The following PLEKHA7 variants were observed in gnomAD, a reference collection of about 807,000 sequenced individuals.
PLEKHA7 encodes pleckstrin homology domain containing A7, also known as pleckstrin homology domain-containing family A member 7.
In PLEKHA7, 104 loss-of-function variants were observed where a neutral mutation model predicts 170.0. The observed-to-expected ratio is 0.61, with a 90% CI of 0.52 to 0.72. The LOEUF (loss-of-function observed/expected upper bound fraction) is 0.72, where lower values mean the gene tolerates loss of function less well. Among genes scored for constraint, PLEKHA7 ranks in the 30% least tolerant of loss-of-function variants. The pLI is 0.00. For missense variants in PLEKHA7, 1,615 were observed against 1,671.7 expected (o/e 0.97, Z 0.59); for synonymous variants, 648 against 660.8 (o/e 0.98, Z 0.30).
At chr11:16,912,612 AG>A (rs1219393827) in intron 3 of PLEKHA7, among the ~76,000 whole-genome samples, 1 of 152,186 alleles carries the variant, frequency 6.6e-6, no homozygotes, top group Non-Finnish European at 1.5e-5. Context: ...GTGTAAAACA[AG>A]GCATCTCATC....
Position 16,817,316 on chromosome 11 carries a change from G to C in PLEKHA7, c.1350C>G (p.Pro450=). 6.2e-7 allele frequency: 1 copy of C among 1,607,090 alleles called. No individual in the cohort carries two copies. The highest frequency in any genetic ancestry group is 8.5e-7 in the Non-Finnish European group (1 of 1,178,712). ...CCTGGCGAGGAAGCGTCTGGTCCAA[G>C]GGAAGACTGAGGAGAAAGGGTAAGA... is the stretch of plus-strand genomic sequence containing the variant. ...RAQKGDSRSL[P]LDQTLPRQGP... The change falls in exon 11 of 27, where the codon CCC becomes CCG. Residue 450 remains proline, a synonymous_variant. Transcript: ENST00000531066. The surrounding 1 kb of genome is among the most constrained non-coding windows in gnomAD (Gnocchi z 4.4).
At chr11:16,878,032 T>C (rs935366422) in intron 3 of PLEKHA7, among the ~76,000 whole-genome samples, 1 of 152,186 alleles carries the variant, frequency 6.6e-6, no homozygotes, top group Non-Finnish European at 1.5e-5. Context: ...TGAGCCTCCC[T>C]TCCCCGCAAA....
At chr11:16,860,868 A>C (rs757197001) in intron 4 of PLEKHA7, among the ~76,000 whole-genome samples, 102 of 152,198 alleles carry the variant, frequency 6.7e-4, no homozygotes, top group Non-Finnish European at 1.0e-4. Context: ...CTCCTCCACA[A>C]GTCACATCAG....
chr11:16,949,823 T>C (rs1182746279), intron 3 of PLEKHA7, among the ~76,000 whole-genome samples: 16 of 151,450 alleles, frequency 1.1e-4, no homozygotes, highest in Admixed American at 1.1e-3. Context: ...GCTACAGAAA[T>C]TCAGAGGAGG....
intron 3 of PLEKHA7, among the ~76,000 whole-genome samples, chr11:16,880,971 A>G (rs1433173679): frequency 7.2e-6 from 1 of 139,120 alleles, no homozygotes; most frequent in African/African-American, 2.4e-5. Context: ...ACAACACTAC[A>G]CACAACTGCA....
At chr11:16,872,832 T>C (rs1854972327) in intron 3 of PLEKHA7, among the ~76,000 whole-genome samples, 1 of 151,882 alleles carries the variant, frequency 6.6e-6, no homozygotes, top group South Asian at 2.1e-4. Context: ...ATACAACCAC[T>C]CAGAAAGTTG....
At chr11:16,801,361 A>C (rs906372419) in intron 16 of PLEKHA7, among the ~76,000 whole-genome samples, 2 of 152,238 alleles carry the variant, frequency 1.3e-5, no homozygotes, top group African/African-American at 4.8e-5. Flanking sequence ...AGATTCTGAC[A>C]ACTTGGAATT....
At chr11:16,871,807 T>C (rs1854875801) in intron 3 of PLEKHA7, among the ~76,000 whole-genome samples, 1 of 152,144 alleles carries the variant, frequency 6.6e-6, no homozygotes, top group Non-Finnish European at 1.5e-5. Context: ...ACAAAGTGTG[T>C]AGGTGTTTTG....
chr11:16,869,513 C>T (rs1854660721), intron 4 of PLEKHA7, among the ~76,000 whole-genome samples: 1 of 152,206 alleles, frequency 6.6e-6, no homozygotes, highest in Non-Finnish European at 1.5e-5. Flanking sequence ...GCATGTAATG[C>T]CTCCGGCACA....
intron 3 of PLEKHA7, among the ~76,000 whole-genome samples, chr11:16,946,125 C>G (rs1280716740): frequency 6.6e-6 from 1 of 152,238 alleles, no homozygotes; most frequent in African/African-American, 2.4e-5. Context: ...GCTGTGGCGC[C>G]ACCCATGATC....
chr11:16,991,785 T>C (rs1864060636), intron 3 of PLEKHA7, among the ~76,000 whole-genome samples: 1 of 152,030 alleles, frequency 6.6e-6, no homozygotes, highest in African/African-American at 2.4e-5. Flanking sequence ...TGACCCAACT[T>C]CCACCATTAA....
At chr11:16,990,722 A>C (rs545474097) in intron 3 of PLEKHA7, among the ~76,000 whole-genome samples, 160 of 152,330 alleles carry the variant, frequency 1.1e-3, no homozygotes, top group African/African-American at 3.7e-3. Context: ...GTACTACCTA[A>C]GCACTGTGGC....
intron 3 of PLEKHA7, 46 bp downstream of exon 3, chr11:17,013,943 C>G: frequency 1.4e-6 from 2 of 1,451,168 alleles, no homozygotes; most frequent in Non-Finnish European, 1.8e-6. Context: ...GGGAGGGACC[C>G]CCCCCCCGCG....
intron 3 of PLEKHA7, among the ~76,000 whole-genome samples, chr11:16,914,371 A>T (rs887360941): frequency 1.1e-4 from 16 of 152,206 alleles, no homozygotes; most frequent in Admixed American, 1.0e-3. Context: ...AATCTATTTC[A>T]TCGGCACAGC....
rs1048497827 is a variant in PLEKHA7, at chr11:16,803,202, T to A, written c.2076+25A>T. The A allele has an allele frequency of 1.9e-6, 3 of 1,607,382 alleles. No homozygotes were observed. In the African/African-American group the frequency reaches 4.0e-5, roughly 22 times the overall value. ...TCTGGGTCAGGAGGCAGCTGAGGGG[T>A]CAGCGTGTCACTCTGCTCACTCACG... On this transcript the variant is annotated intron_variant, in intron 14 of 26. Coordinates refer to ENST00000531066, the MANE Select transcript of PLEKHA7 (RefSeq NM_001329630.2).
intron 3 of PLEKHA7, among the ~76,000 whole-genome samples, chr11:16,966,326 G>C (rs1192119661): frequency 1.5e-5 from 2 of 134,860 alleles, no homozygotes; most frequent in Non-Finnish European, 3.3e-5. Flanking sequence ...GTGTGTGTGT[G>C]TCTAGGCTGC....
At chr11:16,877,988 C>T (rs1855431363) in intron 3 of PLEKHA7, among the ~76,000 whole-genome samples, 1 of 152,206 alleles carries the variant, frequency 6.6e-6, no homozygotes, top group African/African-American at 2.4e-5. Context: ...CAATGACTAA[C>T]AGGCATCTAC....
At chr11:16,930,758 G>A (rs985388234) in intron 3 of PLEKHA7, among the ~76,000 whole-genome samples, 6 of 152,172 alleles carry the variant, frequency 3.9e-5, no homozygotes, top group African/African-American at 9.7e-5. Flanking sequence ...AACATTAAAC[G>A]CTGGGAATTT....
intron 16 of PLEKHA7, 23 bp downstream of exon 16, chr11:16,801,644 AC>A (rs1464603872): frequency 6.2e-7 from 1 of 1,613,500 alleles, no homozygotes; most frequent in Admixed American, 1.7e-5. Context: ...CCTGAGGGAG[AC>A]AGGTCTGCCA....
Sources: allele counts gnomAD v4.1 joint callset (sites outside exome capture counted in the v4.1 genomes callset), GRCh38; gene constraint gnomAD v4.1.1; non-coding constraint Gnocchi (gnomAD v3.1); transcripts MANE v1.5; gene names NCBI Gene and HGNC (gene_info 2026-07-23, HGNC 2026-07-21).